Variants in DTL observed in about 807,000 individuals in gnomAD.
DTL encodes the protein denticleless protein homolog.
A neutral mutation model predicts 87.0 loss-of-function variants in DTL; 46 were observed. The observed-to-expected ratio is 0.53, with a 90% confidence interval of 0.42 to 0.68. DTL has a LOEUF of 0.68. DTL is among the 30% of genes least tolerant of loss of function. The probability of loss-of-function intolerance (pLI) is 0.00; values close to 1 mark genes in which losing one functional copy is unlikely to be tolerated. For synonymous variants in DTL, 308 were observed against 311.2 expected (o/e 0.99, Z 0.11); for missense variants, 737 against 869.4 (o/e 0.85, Z 1.91).
chr1:212,043,131 C>A lies in DTL; in HGVS notation c.178+13C>A, dbSNP rs1667704430. The A allele has an allele frequency of 1.2e-6, 2 of 1,607,642 alleles. No individual in the cohort carries two copies. Among genetic ancestry groups the A allele is most frequent in the Admixed American group, 1.7e-5 (1 of 59,026 alleles). ...ACCTTCTCTTCTGGTAAGAGAATTA[C>A]TATCTAGGCAAGGCTTGGACAGAAA... On this transcript the variant is annotated intron_variant, in intron 2 of 14. Coordinates refer to ENST00000366991, the MANE Select transcript of DTL (RefSeq NM_016448.4).
intron 13 of DTL, among the ~76,000 whole-genome samples, chr1:212,098,868 G>C (rs980050829): frequency 6.6e-6 from 1 of 151,900 alleles, no homozygotes; most frequent in Non-Finnish European, 1.5e-5. Context: ...TTGTCCATCT[G>C]CCTGCCACAG....
At chr1:212,081,201 A>G (rs1654981694) in intron 13 of DTL, among the ~76,000 whole-genome samples, 1 of 152,212 alleles carries the variant, frequency 6.6e-6, no homozygotes, top group South Asian at 2.1e-4. Flanking sequence ...ATTTTATATT[A>G]GGTGACCAGG....
chr1:212,060,200 AC>A (rs1217783497), intron 5 of DTL, among the ~76,000 whole-genome samples: 6 of 152,206 alleles, frequency 3.9e-5, no homozygotes, highest in African/African-American at 1.4e-4. Flanking sequence ...GCCAAAAAGA[AC>A]CCAAATGCCA....
At chr1:212,081,019 A>G (rs1382475559) in intron 13 of DTL, among the ~76,000 whole-genome samples, 1 of 152,174 alleles carries the variant, frequency 6.6e-6, no homozygotes, top group Non-Finnish European at 1.5e-5. Flanking sequence ...GGGATTCAGC[A>G]ATGAACAAAA....
At chr1:212,081,619 G>A (rs536319136) in intron 13 of DTL, among the ~76,000 whole-genome samples, 1 of 152,304 alleles carries the variant, frequency 6.6e-6, no homozygotes, top group South Asian at 2.1e-4. Flanking sequence ...AGTGATGATG[G>A]TGACTTAGAC....
intron 6 of DTL, 94 bp from the exon 7 acceptor site, chr1:212,064,823 G>A: frequency 9.8e-7 from 1 of 1,021,412 alleles, no homozygotes; most frequent in East Asian, 2.4e-5. Context: ...CACCAACTTG[G>A]TCAAAAATTA....
chr1:212,043,495 C>G (rs1392643549), intron 2 of DTL, among the ~76,000 whole-genome samples: 2 of 152,096 alleles, frequency 1.3e-5, no homozygotes, highest in African/African-American at 2.4e-5. Context: ...AGTACTTCAG[C>G]CAGGCTCAGT....
In DTL at chr1:212,082,358, G is replaced by A. The variant is rs1434189042; in HGVS notation, c.1261+1608G>A. 3.3e-5 allele frequency among the ~76,000 whole-genome samples: 5 copies of A among 152,168 alleles called. No homozygotes were observed. In the East Asian group the frequency reaches 7.7e-4, roughly 23 times the overall value. ...TCTTTCAAGGAGTTTTGTTATAAAG[G>A]AAAGAAGAGAAGTGAAGTGGTAGCT... On this transcript the variant is annotated intron_variant, in intron 13 of 14. Transcript: ENST00000366991.
intron 1 of DTL, among the ~76,000 whole-genome samples, chr1:212,037,903 T>C (rs1667534904): frequency 6.6e-6 from 1 of 152,248 alleles, no homozygotes; most frequent in African/African-American, 2.4e-5. Flanking sequence ...CATTCATTTG[T>C]ATGATTATTG....
chr1:212,082,679 C>T (rs1395055445), intron 13 of DTL, among the ~76,000 whole-genome samples: 2 of 152,102 alleles, frequency 1.3e-5, no homozygotes, highest in African/African-American at 2.4e-5. Context: ...CCATAACTTA[C>T]AGAAGCTTCC....
chr1:212,068,122 T>C (rs1654562164), intron 8 of DTL, 102 bp from the exon 9 acceptor site: 2 of 686,888 alleles, frequency 2.9e-6, no homozygotes, highest in African/African-American at 1.8e-5. Context: ...CTAGTTAATG[T>C]GCCAGAGGAG....
In DTL at chr1:212,055,517, C is replaced by T. The variant is rs551028905; in HGVS notation, c.461-7367C>T. ...GGGAGCCACACACAGCGACCTCATTCCCCTGAGTGGAGGGGCAGCTGCACA... is the reference window on the plus strand; with the variant it reads ...GGGAGCCACACACAGCGACCTCATTTCCCTGAGTGGAGGGGCAGCTGCACA... On this transcript the variant is annotated intron_variant, in intron 5 of 14. Coordinates refer to ENST00000366991, the MANE Select transcript of DTL (RefSeq NM_016448.4). Among the ~76,000 whole-genome samples, 13 of 152,326 alleles carry T rather than the reference C, an allele frequency of 8.5e-5. No individual in the cohort carries two copies. In the South Asian group the frequency reaches 2.7e-3, roughly 32 times the overall value.
chr1:212,072,398 C>G (rs999833506), intron 11 of DTL, among the ~76,000 whole-genome samples, 185 bp downstream of exon 11: 1 of 152,200 alleles, frequency 6.6e-6, no homozygotes, highest in African/African-American at 2.4e-5. Context: ...ATGTATGACA[C>G]TTTCAGGGCC....
At chr1:212,084,784 A>T (rs75238084) in intron 13 of DTL, among the ~76,000 whole-genome samples, 1 of 152,148 alleles carries the variant, frequency 6.6e-6, no homozygotes, top group African/African-American at 2.4e-5. Flanking sequence ...CATACTCCTC[A>T]TCCTCCTAAC....
chr1:212,047,115 T>C lies in DTL; in HGVS notation c.278-36T>C, dbSNP rs773958596. The C allele has an allele frequency of 1.9e-6, 3 of 1,592,812 alleles. No individual in the cohort carries two copies. In the African/African-American group the frequency reaches 4.0e-5, roughly 21 times the overall value. The stretch of plus-strand genomic sequence containing the variant: ...TTAATATGGGTACCACAGAATACAA[T>C]TTAGACATTTCACATTTACCATTTT... On this transcript the variant is annotated intron_variant, in intron 3 of 14. Transcript: ENST00000366991.
In DTL at chr1:212,100,243, C is replaced by T. The variant is rs1410871232; in HGVS notation, c.1262-9C>T. 6.6e-7 allele frequency: 1 copy of T among 1,522,142 alleles called. No homozygotes were observed. The highest frequency in any genetic ancestry group is 8.8e-7 in the Non-Finnish European group (1 of 1,134,290). 94.3% of individuals were successfully genotyped at this position (1,522,142 alleles called of 1,614,324 possible). A position where few individuals can be genotyped will look rare whatever the true frequency, so the allele number is the denominator to read the frequency against. Reference sequence around the variant, plus strand: ...CTTCTGATCTTCATGATCCTCTCCTCTTTTTCAGTAACAGTAACGAGTAGC... The same window carrying T: ...CTTCTGATCTTCATGATCCTCTCCTTTTTTTCAGTAACAGTAACGAGTAGC... On this transcript the variant is annotated splice_polypyrimidine_tract_variant and intron_variant, in intron 13 of 14. Coordinates refer to ENST00000366991, the MANE Select transcript of DTL (RefSeq NM_016448.4).
rs756403889 is a variant in DTL, at chr1:212,100,419, C to T, written c.1429C>T (p.Arg477Trp). 6.8e-6 allele frequency: 11 copies of T among 1,613,792 alleles called. No homozygotes were observed. Among genetic ancestry groups the T allele is most frequent in the Non-Finnish European group, 7.6e-6 (9 of 1,179,974 alleles). Residue 477 changes from arginine (R) to tryptophan (W), a missense_variant, in exon 14 of 15, where the codon CGG becomes TGG. By Grantham distance (101) the Arg-to-Trp change is moderately radical. Coordinates refer to ENST00000366991, the MANE Select transcript of DTL (RefSeq NM_016448.4). ...FSIKTSPAKA[R>W]SPINRRGSVS... ...TATTAAAACCTCTCCTGCCAAGGCC[C>T]GGTCTCCCATCAACAGAAGAGGCTC... is the stretch of plus-strand genomic sequence containing the variant.
At position 212,035,792 on chromosome 1, in the gene DTL, T is replaced by A. The variant is rs1185512873; in HGVS notation, c.-99T>A. The A allele has an allele frequency of 3.0e-5, 35 of 1,180,612 alleles. No homozygotes were observed. The allele number at this position is 1,180,612 out of a possible 1,614,324, so 73.1% of individuals were successfully genotyped here. A position where few individuals can be genotyped will look rare whatever the true frequency, so the allele number is the denominator to read the frequency against. ...TTACAGTGGCGGGAGTTGGAGGCGA[T>A]AACGATTTGTGTTGTGAGAGGCGCA... is the stretch of plus-strand genomic sequence containing the variant. On this transcript the variant is annotated 5_prime_UTR_variant, in exon 1 of 15. Coordinates refer to ENST00000366991, the MANE Select transcript of DTL (RefSeq NM_016448.4).
chr1:212,036,170 G>T (rs1226143465), intron 1 of DTL, among the ~76,000 whole-genome samples: 2 of 152,208 alleles, frequency 1.3e-5, no homozygotes, highest in Non-Finnish European at 2.9e-5. Context: ...AGGCAGGGAC[G>T]TCGAAATAAC....
Sources: allele counts gnomAD v4.1 joint callset (sites outside exome capture counted in the v4.1 genomes callset), GRCh38; gene constraint gnomAD v4.1.1; transcripts MANE v1.5; gene names NCBI Gene and HGNC (gene_info 2026-07-23, HGNC 2026-07-21).